CCDC171: variants seen among roughly 807,000 people sequenced by gnomAD.
CCDC171 encodes the protein coiled-coil domain-containing protein 171.
A neutral mutation model predicts 168.2 loss-of-function variants in CCDC171; 177 were observed. The ratio of observed to expected loss-of-function variants is 1.05; its 90% CI spans 0.93 to 1.19. CCDC171 has a LOEUF of 1.19. CCDC171 is among the 50% of genes most tolerant of loss of function. The probability of loss-of-function intolerance (pLI) is 0.00; values close to 1 mark genes in which losing one functional copy is unlikely to be tolerated. For synonymous variants in CCDC171, 687 were observed against 540.8 expected (o/e 1.27, Z -3.75); for missense variants, 1,991 against 1,539.0 (o/e 1.29, Z -4.91).
intron 8 of CCDC171, among the ~76,000 whole-genome samples, chr9:15,665,348 G>C (rs890952403): frequency 2.0e-4 from 30 of 152,146 alleles, no homozygotes; most frequent in African/African-American, 6.8e-4. Flanking sequence ...CAGTCAAATA[G>C]TATTGTTTGA....
intron 3 of CCDC171, among the ~76,000 whole-genome samples, chr9:16,001,085 T>G (rs1158765239): frequency 6.6e-6 from 1 of 152,150 alleles, no homozygotes; most frequent in Non-Finnish European, 1.5e-5. Flanking sequence ...ATGCATTGAT[T>G]TATAATGACA....
intron 11 of CCDC171, among the ~76,000 whole-genome samples, chr9:15,711,311 T>A (rs969091277): frequency 6.6e-6 from 1 of 152,196 alleles, no homozygotes; most frequent in African/African-American, 2.4e-5. Context: ...AAAATTCACT[T>A]TAAATTCTTC....
At chr9:15,653,339 A>C (rs952897977) in intron 7 of CCDC171, among the ~76,000 whole-genome samples, 10 of 151,788 alleles carry the variant, frequency 6.6e-5, no homozygotes, top group Non-Finnish European at 1.0e-4. Flanking sequence ...TTGGTGCTTC[A>C]CCATGTTGCC....
rs1268517318 is a variant in CCDC171, at chr9:15,924,342, A to G, written c.3753+3920A>G. The stretch of plus-strand genomic sequence containing the variant: ...ATGTGGCTTGCATGTCAGGGCTTTC[A>G]TCTGTAAAATGGGGTTAATGATATT... On this transcript the variant is annotated intron_variant, in intron 25 of 25. Transcript: ENST00000380701. Among the ~76,000 whole-genome samples, 3 of 151,208 alleles carry G rather than the reference A, an allele frequency of 2.0e-5. No homozygotes were observed. The East Asian group carries it at 5.8e-4, about 29-fold the overall frequency.
chr9:15,914,863 G>T (rs188055732), intron 24 of CCDC171, among the ~76,000 whole-genome samples: 1 of 152,074 alleles, frequency 6.6e-6, no homozygotes, highest in African/African-American at 2.4e-5. Flanking sequence ...CATCCCTCAC[G>T]TCAGGGTCCC....
intron 16 of CCDC171, among the ~76,000 whole-genome samples, chr9:15,730,463 A>G (rs985470169): frequency 2.0e-5 from 3 of 151,914 alleles, no homozygotes; most frequent in South Asian, 4.1e-4. Context: ...ATGATAGGGT[A>G]TACTTTTTTG....
At chr9:15,568,070 G>A (rs1360114713) in intron 2 of CCDC171, among the ~76,000 whole-genome samples, 2 of 151,274 alleles carry the variant, frequency 1.3e-5, no homozygotes, top group African/African-American at 2.4e-5. Context: ...ATTGATTTTT[G>A]TTTATTGATC....
chr9:15,748,538 G>T (rs1200926795), intron 18 of CCDC171, among the ~76,000 whole-genome samples: 2 of 152,078 alleles, frequency 1.3e-5, no homozygotes, highest in African/African-American at 4.8e-5. Context: ...CACCAAAGTT[G>T]AAATGAAGGA....
At chr9:15,616,075 C>T (rs555028548) in intron 6 of CCDC171, among the ~76,000 whole-genome samples, 226 of 152,274 alleles carry the variant, frequency 1.5e-3, no homozygotes, top group African/African-American at 4.9e-3. Flanking sequence ...CTCAGCCTCC[C>T]GAATAGCTGG....
At chr9:15,554,007 AC>A (rs1293788037) in intron 1 of CCDC171, among the ~76,000 whole-genome samples, 2 of 149,556 alleles carry the variant, frequency 1.3e-5, no homozygotes, top group African/African-American at 4.9e-5. Flanking sequence ...GGAGAAAAGA[AC>A]ATACGATTTT....
intron 2 of CCDC171, among the ~76,000 whole-genome samples, chr9:15,566,130 T>C (rs1280713001): frequency 6.6e-6 from 1 of 152,236 alleles, no homozygotes; most frequent in African/African-American, 2.4e-5. Context: ...TTGCATGTGC[T>C]TTTTGGTAAT....
Position 15,623,469 on chromosome 9 carries a change from G to T in CCDC171, c.822+56G>T, listed in dbSNP as rs1489908856. 9.4e-6 allele frequency: 5 copies of T among 529,914 alleles called. No homozygotes were observed. In the East Asian group the frequency reaches 1.8e-4, roughly 19 times the overall value. 32.8% of individuals were successfully genotyped at this position (529,914 alleles called of 1,614,324 possible). Reference sequence around the variant, plus strand: ...TGCGTACAAACTTTCACATATGCGCGCGCGCGCACACACACACACACACAC... The same window carrying T: ...TGCGTACAAACTTTCACATATGCGCTCGCGCGCACACACACACACACACAC... On this transcript the variant is annotated intron_variant, in intron 7 of 25. Transcript: ENST00000380701.
chr9:16,090,659 G>A, the CCDC171 span, among the ~76,000 whole-genome samples: 1 of 152,140 alleles, frequency 6.6e-6, no homozygotes, highest in Admixed American at 6.5e-5. Flanking sequence ...TGTCCCCAAA[G>A]CAAACAACTT....
At chr9:15,810,950 A>G (rs992042043) in intron 21 of CCDC171, among the ~76,000 whole-genome samples, 3 of 152,232 alleles carry the variant, frequency 2.0e-5, no homozygotes, top group Non-Finnish European at 4.4e-5. Context: ...GCACATTGTC[A>G]TCTCTCAACA....
chr9:15,589,762 C>A, intron 4 of CCDC171, among the ~76,000 whole-genome samples: 1 of 151,800 alleles, frequency 6.6e-6, no homozygotes, highest in South Asian at 2.1e-4. Flanking sequence ...CCTAGAAGCA[C>A]TGGAAGATGA....
chr9:15,772,464 C>G (rs1055153484), intron 18 of CCDC171, among the ~76,000 whole-genome samples: 5 of 152,094 alleles, frequency 3.3e-5, no homozygotes, highest in Non-Finnish European at 5.9e-5. Flanking sequence ...AAAATGATGT[C>G]TATATTCACG....
intron 6 of CCDC171, among the ~76,000 whole-genome samples, chr9:15,616,730 T>C (rs903119484): frequency 6.6e-6 from 1 of 152,210 alleles, no homozygotes; most frequent in Non-Finnish European, 1.5e-5. Context: ...TATAGAATAA[T>C]AGTCTTTTAT....
intron 24 of CCDC171, among the ~76,000 whole-genome samples, chr9:15,876,996 T>C (rs1420475893): frequency 6.6e-6 from 1 of 152,124 alleles, no homozygotes; most frequent in African/African-American, 2.4e-5. Flanking sequence ...GGGCAAACTT[T>C]ATTATAGGTA....
chr9:16,016,495 T>A lies in CCDC171; in HGVS notation n.369-4094T>A, dbSNP rs183961975. On this transcript the variant is annotated intron_variant and non_coding_transcript_variant, in intron 3 of 9. Coordinates refer to the CCDC171 transcript ENST00000486641. The stretch of plus-strand genomic sequence containing the variant: ...GCTGCTGACAACTCACAGGGGAGAG[T>A]GCAGGGGATTAGTGAAAACTCCCCA... 1.0e-3 allele frequency among the ~76,000 whole-genome samples: 152 copies of A among 151,488 alleles called. 1 individual carries two copies. The highest frequency in any genetic ancestry group is 3.3e-3 in the African/African-American group (138 of 41,310).
Sources: gnomAD v4.1 joint callset for allele counts (sites outside exome capture counted in the v4.1 genomes callset) on GRCh38, gnomAD v4.1.1 for gene constraint, MANE v1.5 for transcripts, NCBI Gene and HGNC (gene_info 2026-07-23, HGNC 2026-07-21) for gene names.